Variants in GCH1 observed in about 807,000 individuals in gnomAD.
GCH1 encodes GTP cyclohydrolase I.
In GCH1, 5 loss-of-function variants were observed where a neutral mutation model predicts 25.9. The observed-to-expected ratio is 0.19, with a 90% CI of 0.10 to 0.41. GCH1 has a LOEUF of 0.41. Among genes scored for constraint, GCH1 ranks in the 10% least tolerant of loss-of-function variants. The pLI, the probability that GCH1 is intolerant of heterozygous loss-of-function variation, is 1.00. For synonymous variants in GCH1, 159 were observed against 129.6 expected, an observed-to-expected ratio of 1.23 and a Z score of -1.54; for missense variants, 261 against 336.5, an observed-to-expected ratio of 0.78 and a Z score of 1.75.
chr14:54,850,451 T>C (rs915342037), intron 3 of GCH1, among the ~76,000 whole-genome samples: 1 of 151,986 alleles, frequency 6.6e-6, no homozygotes, highest in African/African-American at 2.4e-5. Context: ...TAGCTGGGAT[T>C]AGCGGCACCC....
chr14:54,886,545 G>A (rs2040355428), intron 1 of GCH1, among the ~76,000 whole-genome samples: 1 of 152,192 alleles, frequency 6.6e-6, no homozygotes, highest in African/African-American at 2.4e-5. Flanking sequence ...CCGGGAAGCG[G>A]AGCTTGCAGT....
chr14:54,863,643 G>A (rs537153859), intron 2 of GCH1, among the ~76,000 whole-genome samples: 3 of 151,646 alleles, frequency 2.0e-5, no homozygotes, highest in African/African-American at 7.3e-5. Context: ...CAATGAATCC[G>A]ACTATGTAGA....
chr14:54,893,952 T>G lies in GCH1; in HGVS notation c.343+8369A>C, dbSNP rs12432756. 1.9e-3 allele frequency among the ~76,000 whole-genome samples: 283 copies of G among 152,356 alleles called. 4 individuals are homozygous for G. Among genetic ancestry groups the G allele is most frequent in the Admixed American group, 0.015 (229 of 15,304 alleles). On this transcript the variant is annotated intron_variant, in intron 1 of 5. Transcript: ENST00000491895. ...AACACATTTCTATTTCATGTGATTC[T>G]ATCTGCTAGGCTGTAAGTTCCATGA...
At chr14:54,859,423 A>G (rs2039861905) in intron 3 of GCH1, 2 of 490,342 alleles carry the variant, frequency 4.1e-6, no homozygotes, top group African/African-American at 3.9e-5. Flanking sequence ...AAGGCTCTGC[A>G]GAGAAAGAGG....
intron 1 of GCH1, among the ~76,000 whole-genome samples, chr14:54,894,085 T>A (rs1005423893): frequency 6.6e-6 from 1 of 152,212 alleles, no homozygotes; most frequent in Non-Finnish European, 1.5e-5. Flanking sequence ...CTAATTTTTT[T>A]AATAATAGTA....
chr14:54,883,587 G>A (rs1487411432), intron 1 of GCH1, among the ~76,000 whole-genome samples: 1 of 152,082 alleles, frequency 6.6e-6, no homozygotes, highest in East Asian at 1.9e-4. Flanking sequence ...GCTGAGGCAG[G>A]AGAATGGAGT....
rs769173973 is a variant in GCH1, at chr14:54,902,361, G to A, written c.303C>T (p.Ala101=). The A allele has an allele frequency of 3.1e-6, 5 of 1,612,948 alleles. No homozygotes were observed. Among genetic ancestry groups the A allele is most frequent in the Admixed American group, 1.7e-5 (1 of 60,002 alleles). ...LLKTPWRAAS[A]MQFFTKGYQE... is the part of the protein sequence containing the mutation. The stretch of plus-strand genomic sequence containing the variant: ...GGTAGCCCTTGGTGAAGAACTGCAT[G>A]GCCGAGGCCGCCCTCCAGGGCGTCT... Residue 101 remains alanine, a synonymous_variant, in exon 1 of 6, where the codon GCC becomes GCT. Transcript: ENST00000491895.
intron 1 of GCH1, among the ~76,000 whole-genome samples, chr14:54,876,203 T>C (rs369780969): frequency 6.6e-6 from 1 of 152,126 alleles, no homozygotes; most frequent in Non-Finnish European, 1.5e-5. Flanking sequence ...TGTAGAGACA[T>C]GGATGAAGCT....
At chr14:54,875,184 C>A (rs565977140) in intron 1 of GCH1, among the ~76,000 whole-genome samples, 1 of 152,294 alleles carries the variant, frequency 6.6e-6, no homozygotes, top group East Asian at 1.9e-4. Flanking sequence ...CTACAACCAT[C>A]CGATCTTTGA....
chr14:54,854,404 C>T (rs2039777970), intron 3 of GCH1, among the ~76,000 whole-genome samples: 1 of 152,146 alleles, frequency 6.6e-6, no homozygotes, highest in Non-Finnish European at 1.5e-5. Flanking sequence ...GGGGGTGCTG[C>T]ACCTGCCGGG....
chr14:54,863,196 G>A (rs1238019223), intron 2 of GCH1, among the ~76,000 whole-genome samples: 1 of 151,950 alleles, frequency 6.6e-6, no homozygotes, highest in African/African-American at 2.4e-5. Flanking sequence ...AAGGCGGGCG[G>A]ATCACGAGGT....
intron 1 of GCH1, among the ~76,000 whole-genome samples, chr14:54,875,767 C>G (rs1337988341): frequency 6.6e-6 from 1 of 152,196 alleles, no homozygotes; most frequent in Non-Finnish European, 1.5e-5. Flanking sequence ...CACTGGCCAT[C>G]AGAGAAATGC....
intron 1 of GCH1, chr14:54,885,327 C>T (rs895606467): frequency 4.1e-6 from 1 of 242,852 alleles, no homozygotes; most frequent in Non-Finnish European, 8.5e-6. Flanking sequence ...TTTCAGTGAA[C>T]CAGTCAAGAT....
At chr14:54,854,929 A>G (rs190485033) in intron 3 of GCH1, among the ~76,000 whole-genome samples, 1 of 152,338 alleles carries the variant, frequency 6.6e-6, no homozygotes, top group East Asian at 1.9e-4. Context: ...TTTGGAGAGC[A>G]ATTTCATAAT....
chr14:54,877,012 A>G (rs576427025), intron 1 of GCH1, among the ~76,000 whole-genome samples: 5 of 152,370 alleles, frequency 3.3e-5, no homozygotes, highest in African/African-American at 1.2e-4. Flanking sequence ...GCTTCATGTG[A>G]TAATGGAACA....
intron 1 of GCH1, chr14:54,885,471 G>C: frequency 3.9e-6 from 1 of 256,660 alleles, no homozygotes; most frequent in Non-Finnish European, 7.7e-6. Flanking sequence ...ACAGGTGATA[G>C]ATAGATGCTT....
chr14:54,862,172 C>T (rs915526505), intron 2 of GCH1, among the ~76,000 whole-genome samples: 1 of 151,950 alleles, frequency 6.6e-6, no homozygotes, highest in Non-Finnish European at 1.5e-5. Flanking sequence ...GCTAGGACTA[C>T]AGGTATGCAC....
At chr14:54,882,904 C>T (rs915119511) in intron 1 of GCH1, among the ~76,000 whole-genome samples, 3 of 152,272 alleles carry the variant, frequency 2.0e-5, no homozygotes, top group Non-Finnish European at 4.4e-5. Flanking sequence ...CCAAATACAG[C>T]CAATCAACAG....
chr14:54,879,359 T>G (rs2040209036), intron 1 of GCH1, among the ~76,000 whole-genome samples: 1 of 145,396 alleles, frequency 6.9e-6, no homozygotes, highest in Non-Finnish European at 1.5e-5. Flanking sequence ...AGGCGAAGGT[T>G]GCAGTGACTT....
Sources: allele counts gnomAD v4.1 joint callset (sites outside exome capture counted in the v4.1 genomes callset), GRCh38; gene constraint gnomAD v4.1.1; transcripts MANE v1.5; gene names NCBI Gene and HGNC (gene_info 2026-07-23, HGNC 2026-07-21).